RABGEF1: variants seen among roughly 807,000 people sequenced by gnomAD.
The protein encoded by RABGEF1 is RAB guanine nucleotide exchange factor 1.
Under a neutral mutation model 57.3 loss-of-function variants are expected in RABGEF1, and 26 were observed. The ratio of observed to expected loss-of-function variants is 0.45; its 90% CI spans 0.33 to 0.63. RABGEF1 has a LOEUF of 0.63. RABGEF1 is among the 20% of genes least tolerant of loss of function. RABGEF1 has a pLI of 0.02. For missense variants in RABGEF1, 464 were observed against 607.6 expected (o/e 0.76, Z 2.48); for synonymous variants, 185 against 210.7 (o/e 0.88, Z 1.06).
At chr7:66,730,847 G>A (rs1454445096) in intron 2 of RABGEF1, among the ~76,000 whole-genome samples, 5 of 152,206 alleles carry the variant, frequency 3.3e-5, no homozygotes, top group East Asian at 3.9e-4. Flanking sequence ...GTGAGCCACC[G>A]TGCCAGGCCC....
chr7:66,686,045 G>A (rs1790575051), intron 1 of RABGEF1, among the ~76,000 whole-genome samples: 1 of 152,142 alleles, frequency 6.6e-6, no homozygotes, highest in Non-Finnish European at 1.5e-5. Context: ...TTGGGAAGCT[G>A]AGGTGGGCAG....
chr7:66,804,580 C>A (rs1788008651), intron 7 of RABGEF1, among the ~76,000 whole-genome samples: 1 of 151,978 alleles, frequency 6.6e-6, no homozygotes, highest in African/African-American at 2.4e-5. Context: ...ACTAAAAATA[C>A]AAAAAGTAGC....
rs1436223400 is a variant in RABGEF1 at position 66,809,525 on chromosome 7, T to G, written c.*241T>G. 5.2e-6 allele frequency: 2 copies of G among 386,468 alleles called. No individual in the cohort carries two copies. Among genetic ancestry groups the G allele is most frequent in the East Asian group, 8.4e-5 (2 of 23,930 alleles). 23.9% of individuals were successfully genotyped at this position (386,468 alleles called of 1,614,324 possible). Reference sequence around the variant, plus strand: ...GGCTTGTGTGCAAATTTTGTCTCAATCTTTTTTCCCTCCATGATTTTCCTA... The same window carrying G: ...GGCTTGTGTGCAAATTTTGTCTCAAGCTTTTTTCCCTCCATGATTTTCCTA... On this transcript the variant is annotated 3_prime_UTR_variant, in exon 9 of 9. Coordinates refer to ENST00000284957, the MANE Select transcript of RABGEF1 (RefSeq NM_014504.3).
intron 1 of RABGEF1, among the ~76,000 whole-genome samples, chr7:66,682,657 G>T (rs1191324303): frequency 6.6e-6 from 1 of 152,156 alleles, no homozygotes; most frequent in South Asian, 2.1e-4. Context: ...GGACCTCCCC[G>T]GAACGCGCCG....
intron 4 of RABGEF1, among the ~76,000 whole-genome samples, chr7:66,791,879 C>T (rs373773014): frequency 1.1e-4 from 17 of 152,136 alleles, no homozygotes; most frequent in East Asian, 9.7e-4. Context: ...TTTAGGAGGC[C>T]GAGGAGGATG....
At chr7:66,783,596 C>A in intron 3 of RABGEF1, 79 bp from the exon 4 acceptor site, 4 of 1,233,434 alleles carry the variant, frequency 3.2e-6, no homozygotes, top group Admixed American at 2.8e-5. Flanking sequence ...TTTAAATAAC[C>A]TTAGGTAAGA....
chr7:66,774,916 T>G lies in RABGEF1; in HGVS notation c.180-311T>G, dbSNP rs144796977. ...CTCTCTGATGTAGCAGCTGTCCCATTCTGTAGCAGTTGTTTACTTACCTTT... is the reference window on the plus strand; with the variant it reads ...CTCTCTGATGTAGCAGCTGTCCCATGCTGTAGCAGTTGTTTACTTACCTTT... On this transcript the variant is annotated intron_variant, in intron 2 of 8. Coordinates refer to ENST00000284957, the MANE Select transcript of RABGEF1 (RefSeq NM_014504.3). Among the ~76,000 whole-genome samples, 317 of 152,350 alleles carry G rather than the reference T, an allele frequency of 2.1e-3. 1 individual carries two copies. The highest frequency in any genetic ancestry group is 7.4e-3 in the African/African-American group (306 of 41,584).
At chr7:66,683,666 A>C (rs996030524) in intron 1 of RABGEF1, among the ~76,000 whole-genome samples, 59 of 152,170 alleles carry the variant, frequency 3.9e-4, no homozygotes, top group African/African-American at 1.4e-3. Context: ...TCAGACTAAC[A>C]GGGTGGAGTG....
chr7:66,676,026 T>C, the RABGEF1 span, among the ~76,000 whole-genome samples: 3 of 152,090 alleles, frequency 2.0e-5, no homozygotes, highest in African/African-American at 7.2e-5. Flanking sequence ...CCTTATCAAA[T>C]ATGTGATTTT....
At chr7:66,704,064 ATGGCTTTCTT>A in intron 1 of RABGEF1, among the ~76,000 whole-genome samples, 1 of 152,222 alleles carries the variant, frequency 6.6e-6, no homozygotes, top group East Asian at 1.9e-4. Context: ...TGCACATAGA[ATGGCTTTCTT>A]AATTTTATTT....
intron 1 of RABGEF1, among the ~76,000 whole-genome samples, chr7:66,701,986 T>C (rs1193877324): frequency 1.3e-5 from 2 of 152,192 alleles, no homozygotes; most frequent in Non-Finnish European, 2.9e-5. Context: ...TCCACAATAT[T>C]GTGCAAATAT....
chr7:66,739,499 C>CAA (rs566857503), upstream of RABGEF1, among the ~76,000 whole-genome samples: 1 of 141,420 alleles, frequency 7.1e-6, no homozygotes, highest in Non-Finnish European at 1.6e-5. Flanking sequence ...ACTAAAAATA[C>CAA]AAAAAAAAAA....
chr7:66,748,276 G>A (rs1290862901), intron 1 of RABGEF1, among the ~76,000 whole-genome samples: 4 of 152,256 alleles, frequency 2.6e-5, no homozygotes, highest in South Asian at 4.1e-4. Flanking sequence ...AATGTGATCC[G>A]AGTACTTAGA....
chr7:66,699,296 G>A (rs765938074), intron 1 of RABGEF1, among the ~76,000 whole-genome samples: 3 of 152,156 alleles, frequency 2.0e-5, no homozygotes, highest in Non-Finnish European at 4.4e-5. Flanking sequence ...CCCCTAGACC[G>A]GGAGACAAAG....
chr7:66,795,609 T>C lies in RABGEF1; in HGVS notation c.595+17T>C, dbSNP rs1458696955. 1.9e-6 allele frequency: 3 copies of C among 1,576,510 alleles called. 1 individual carries two copies. The highest frequency in any genetic ancestry group is 2.6e-6 in the Non-Finnish European group (3 of 1,145,806). On this transcript the variant is annotated intron_variant, in intron 5 of 8. Transcript: ENST00000284957. ...GTGGGAAAGGTAACACTGTTAGCCA[T>C]TGAGAGATTGCGGGTATTGCACAGG...
chr7:66,733,148 T>C (rs183345788), intron 2 of RABGEF1, among the ~76,000 whole-genome samples: 1 of 152,316 alleles, frequency 6.6e-6, no homozygotes, highest in African/African-American at 2.4e-5. Context: ...GGTGAGGTGA[T>C]TCCTGGAAAG....
At chr7:66,767,853 G>A (rs1160981801) in intron 1 of RABGEF1, among the ~76,000 whole-genome samples, 2 of 152,140 alleles carry the variant, frequency 1.3e-5, no homozygotes, top group African/African-American at 4.8e-5. Flanking sequence ...CCAGTTTATG[G>A]TATTTTGTTA....
chr7:66,668,547 A>T, the RABGEF1 span, among the ~76,000 whole-genome samples: 1 of 151,954 alleles, frequency 6.6e-6, no homozygotes, highest in African/African-American at 2.4e-5. Flanking sequence ...CCCTCTGGAG[A>T]GGGGGGGATT....
At chr7:66,655,657 A>G in the RABGEF1 span, among the ~76,000 whole-genome samples, 1 of 152,192 alleles carries the variant, frequency 6.6e-6, no homozygotes, top group Non-Finnish European at 1.5e-5. Context: ...GGCGTCAGCT[A>G]TCGCGCAGCT....
Sources: allele counts gnomAD v4.1 joint callset (sites outside exome capture counted in the v4.1 genomes callset), GRCh38; gene constraint gnomAD v4.1.1; transcripts MANE v1.5; gene names NCBI Gene and HGNC (gene_info 2026-07-23, HGNC 2026-07-21).